Variants in TENT4B observed in about 807,000 individuals in gnomAD.
TENT4B encodes terminal nucleotidyltransferase 4B.
In TENT4B, 10 loss-of-function variants were observed where a neutral mutation model predicts 75.0. The observed-to-expected ratio is 0.13, with a 90% CI of 0.08 to 0.23. The LOEUF is 0.23. Ranked by LOEUF, TENT4B falls within the 10% of genes least tolerant of loss-of-function variation. The pLI is 1.00. For missense variants in TENT4B, 579 were observed against 893.8 expected (o/e 0.65, Z 4.49); for synonymous variants, 350 against 357.7 (o/e 0.98, Z 0.24).
At chr16:50,187,103 A>G (rs1299366825) in intron 1 of TENT4B, among the ~76,000 whole-genome samples, 1 of 152,036 alleles carries the variant, frequency 6.6e-6, no homozygotes, top group Non-Finnish European at 1.5e-5. Flanking sequence ...AAAGCTTTCA[A>G]TTTTGATGAA....
At chr16:50,194,665 T>C (rs2150713688) in intron 1 of TENT4B, among the ~76,000 whole-genome samples, 1 of 151,868 alleles carries the variant, frequency 6.6e-6, no homozygotes, top group Admixed American at 6.6e-5. Flanking sequence ...ATACTTGCAC[T>C]TCAGCACCCC....
At chr16:50,154,540 C>G (rs1365589860) in intron 1 of TENT4B, among the ~76,000 whole-genome samples, 5 of 151,916 alleles carry the variant, frequency 3.3e-5, no homozygotes, top group South Asian at 2.1e-4. Context: ...CAGGCCCCCC[C>G]CTTTATCCAT....
chr16:50,179,699 A>C (rs1000657122), intron 1 of TENT4B, among the ~76,000 whole-genome samples: 5 of 152,206 alleles, frequency 3.3e-5, no homozygotes, highest in Non-Finnish European at 7.3e-5. Context: ...TTTTTTAAAA[A>C]ATTAATAACT....
chr16:50,224,988 T>C lies in TENT4B; in HGVS notation c.1606T>C (p.Cys536Arg), dbSNP rs1211974801. ...WGLKNRPEPS[C>R]NGNGVTLIVD... Reference sequence around the variant, plus strand: ...CTTGAAGAATAGACCTGAGCCTTCATGCAATGGTAAGATATTTTCCTTGGT... The same window carrying C: ...CTTGAAGAATAGACCTGAGCCTTCACGCAATGGTAAGATATTTTCCTTGGT... Residue 536 changes from cysteine (C) to arginine (R), a missense_variant, in exon 9 of 12, where the codon TGC becomes CGC. By Grantham distance (180) the Cys-to-Arg change is radical. Coordinates refer to ENST00000561678, the MANE Select transcript of TENT4B (RefSeq NM_001365324.3). 2.5e-6 allele frequency: 4 copies of C among 1,613,380 alleles called. No individual in the cohort carries two copies. In the Admixed American group the frequency reaches 6.7e-5, roughly 27 times the overall value.
chr16:50,223,986 TTGATA>T (rs1230561372), intron 7 of TENT4B, among the ~76,000 whole-genome samples: 1 of 152,242 alleles, frequency 6.6e-6, no homozygotes, highest in Admixed American at 6.5e-5. Context: ...ATATTTTTTC[TTGATA>T]TAATTGTAAA....
intron 1 of TENT4B, among the ~76,000 whole-genome samples, chr16:50,177,848 A>T (rs918464031): frequency 2.0e-4 from 31 of 152,078 alleles, no homozygotes; most frequent in African/African-American, 6.7e-4. Context: ...CTTTTTTCTA[A>T]TGTTTACAGT....
intron 1 of TENT4B, among the ~76,000 whole-genome samples, chr16:50,201,408 A>C (rs1290295721): frequency 3.3e-5 from 5 of 151,666 alleles, no homozygotes; most frequent in Admixed American, 3.3e-4. Context: ...GTGGTGGCGC[A>C]TGTCAGTAAT....
At chr16:50,160,920 A>C (rs1567474886) in intron 1 of TENT4B, among the ~76,000 whole-genome samples, 1 of 152,210 alleles carries the variant, frequency 6.6e-6, no homozygotes, top group Non-Finnish European at 1.5e-5. Context: ...ACACACACAT[A>C]GGTATAGAGT....
rs534199773 is a variant in TENT4B at position 50,226,773 on chromosome 16, T to C, written c.1801-1066T>C. ...AAAATTCAGCATTAAAAATGTACAA[T>C]TCAGTGGTTTTTAGAACATATTCAC... On this transcript the variant is annotated intron_variant, in intron 10 of 11. Coordinates refer to ENST00000561678, the MANE Select transcript of TENT4B (RefSeq NM_001365324.3). 1.1e-4 allele frequency among the ~76,000 whole-genome samples: 17 copies of C among 152,310 alleles called. No homozygotes were observed. In the South Asian group the frequency reaches 3.5e-3, roughly 32 times the overall value.
chr16:50,187,339 T>C (rs966785351), intron 1 of TENT4B, among the ~76,000 whole-genome samples: 3 of 152,216 alleles, frequency 2.0e-5, no homozygotes, highest in African/African-American at 7.2e-5. Flanking sequence ...TCCCACTACT[T>C]GGGGAGGCCG....
At chr16:50,219,990 T>G (rs555502125) in intron 5 of TENT4B, among the ~76,000 whole-genome samples, 2 of 23,280 alleles carry the variant, frequency 8.6e-5, no homozygotes, top group South Asian at 3.3e-3. Context: ...AACTTTTTTT[T>G]TAATTTTTTT....
chr16:50,184,448 A>C (rs1228230001), intron 1 of TENT4B, among the ~76,000 whole-genome samples: 1 of 151,896 alleles, frequency 6.6e-6, no homozygotes, highest in Non-Finnish European at 1.5e-5. Flanking sequence ...GCGGGTGGAT[A>C]CGAGGGTCAG....
chr16:50,222,979 C>T (rs771666682), intron 6 of TENT4B, among the ~76,000 whole-genome samples, 195 bp from the exon 7 acceptor site: 3 of 152,178 alleles, frequency 2.0e-5, no homozygotes, highest in African/African-American at 4.8e-5. Flanking sequence ...AACAGTCTCC[C>T]GCCATTCCCG....
intron 1 of TENT4B, among the ~76,000 whole-genome samples, chr16:50,190,183 A>G (rs2038614221): frequency 1.3e-5 from 2 of 151,910 alleles, no homozygotes; most frequent in Non-Finnish European, 2.9e-5. Flanking sequence ...GCTAGTATTG[A>G]TATTATACCA....
At chr16:50,212,632 CTAA>C (rs998809291) in intron 2 of TENT4B, among the ~76,000 whole-genome samples, 3 of 152,092 alleles carry the variant, frequency 2.0e-5, no homozygotes, top group African/African-American at 7.2e-5. Context: ...GGCAAGGGTA[CTAA>C]TGTTTTATGA....
intron 10 of TENT4B, among the ~76,000 whole-genome samples, chr16:50,226,658 C>T (rs1231080963): frequency 4.6e-5 from 7 of 152,078 alleles, no homozygotes; most frequent in East Asian, 1.9e-4. Context: ...CCTCATGATC[C>T]GACTGCCTCG....
At chr16:50,168,067 CTCATTGAGCAATG>C (rs2038136532) in intron 1 of TENT4B, among the ~76,000 whole-genome samples, 2 of 150,332 alleles carry the variant, frequency 1.3e-5, no homozygotes, top group Non-Finnish European at 3.0e-5. Flanking sequence ...CTCTTGTTTC[CTCATTGAGCAATG>C]TCGTGAGACC....
At chr16:50,195,409 T>G (rs984726395) in intron 1 of TENT4B, among the ~76,000 whole-genome samples, 1 of 152,202 alleles carries the variant, frequency 6.6e-6, no homozygotes, top group Non-Finnish European at 1.5e-5. Flanking sequence ...TGAGTTTACT[T>G]TCTATTAATG....
chr16:50,234,498 T>A lies in TENT4B; in HGVS notation c.*5170T>A. On this transcript the variant is annotated 3_prime_UTR_variant, in exon 12 of 12. Transcript: ENST00000561678. ...AGTTTGGGTTCTGTGCTATTCATAG[T>A]TCTTCCCTAAGACCATTTCATTATT... The A allele has an allele frequency of 1.0e-6, 1 of 984,816 alleles. No homozygotes were observed. Among genetic ancestry groups the A allele is most frequent in the Non-Finnish European group, 1.2e-6 (1 of 829,328 alleles). The allele number at this position is 984,816 out of a possible 1,614,324, so 61.0% of individuals were successfully genotyped here.
Sources: gnomAD v4.1 joint callset for allele counts (sites outside exome capture counted in the v4.1 genomes callset) on GRCh38, gnomAD v4.1.1 for gene constraint, MANE v1.5 for transcripts, NCBI Gene and HGNC (gene_info 2026-07-23, HGNC 2026-07-21) for gene names.